The following GLB1 variants were observed in gnomAD, a reference collection of about 807,000 sequenced individuals.
The protein encoded by GLB1 is galactosidase beta 1, also known as beta-galactosidase.
GLB1 carries 56 observed loss-of-function variants against 74.0 expected under a neutral mutation model. That is an observed-to-expected ratio of 0.76 (90% CI 0.61 to 0.94). GLB1 has a LOEUF of 0.94. Among genes scored for constraint, GLB1 ranks in the 40% least tolerant of loss-of-function variants. GLB1 has a pLI of 0.00. For missense variants in GLB1, 787 were observed against 845.5 expected, an observed-to-expected ratio of 0.93 and a Z score of 0.86; for synonymous variants, 323 against 323.6, an observed-to-expected ratio of 1.00 and a Z score of 0.02.
chr3:32,967,771 T>C, the GLB1 span, among the ~76,000 whole-genome samples: 2 of 152,166 alleles, frequency 1.3e-5, no homozygotes, highest in Non-Finnish European at 2.9e-5. Context: ...AGGGGAGACC[T>C]GGCATCCAAG....
intron 14 of GLB1, among the ~76,000 whole-genome samples, chr3:33,015,447 G>A (rs1559382969): frequency 6.6e-6 from 1 of 152,228 alleles, no homozygotes; most frequent in Non-Finnish European, 1.5e-5. Flanking sequence ...ACACAGGCCA[G>A]GGCTGGGCTG....
downstream of GLB1, among the ~76,000 whole-genome samples, chr3:32,994,050 T>A (rs4586761): frequency 6.6e-6 from 1 of 152,054 alleles, no homozygotes; most frequent in African/African-American, 2.4e-5. Flanking sequence ...AATTACTATA[T>A]GACTAAACAA....
At chr3:33,001,797 A>C (rs1331992329) in intron 15 of GLB1, among the ~76,000 whole-genome samples, 1 of 152,240 alleles carries the variant, frequency 6.6e-6, no homozygotes, top group Non-Finnish European at 1.5e-5. Context: ...CCCTTCTGAA[A>C]GAATTCTTCA....
At chr3:33,039,997 A>G (rs1366272227) in intron 10 of GLB1, among the ~76,000 whole-genome samples, 2 of 152,196 alleles carry the variant, frequency 1.3e-5, no homozygotes. Flanking sequence ...TTAAGACTGC[A>G]TAAACTGATA....
chr3:33,029,340 C>G (rs891955509), intron 10 of GLB1, among the ~76,000 whole-genome samples: 2 of 152,162 alleles, frequency 1.3e-5, no homozygotes, highest in African/African-American at 2.4e-5. Context: ...CCACTAGATT[C>G]AATGGTGACC....
intron 10 of GLB1, among the ~76,000 whole-genome samples, chr3:33,043,703 T>C (rs1009560538): frequency 2.3e-4 from 10 of 43,144 alleles, no homozygotes; most frequent in Non-Finnish European, 3.8e-4. Context: ...AATTCGATTA[T>C]ATCCTGTTTA....
At chr3:33,089,446 A>C (rs1254237693) in intron 1 of GLB1, among the ~76,000 whole-genome samples, 4 of 152,248 alleles carry the variant, frequency 2.6e-5, no homozygotes, top group Non-Finnish European at 5.9e-5. Flanking sequence ...ACCTGATTTA[A>C]AGATAGGCAA....
chr3:33,035,937 C>A (rs772494079), intron 10 of GLB1, among the ~76,000 whole-genome samples: 2 of 152,134 alleles, frequency 1.3e-5, no homozygotes, highest in Non-Finnish European at 2.9e-5. Context: ...TATTCAATAG[C>A]ATTTATTTTC....
chr3:33,077,947 T>C (rs1392395100), intron 1 of GLB1, among the ~76,000 whole-genome samples: 1 of 152,198 alleles, frequency 6.6e-6, no homozygotes, highest in African/African-American at 2.4e-5. Context: ...TTTATAACTT[T>C]GTTGTACATA....
chr3:32,972,551 G>A, the GLB1 span, among the ~76,000 whole-genome samples: 1 of 152,064 alleles, frequency 6.6e-6, no homozygotes, highest in African/African-American at 2.4e-5. Flanking sequence ...ATCCTCCCTT[G>A]CCTTTTACCC....
intron 5 of GLB1, among the ~76,000 whole-genome samples, chr3:33,060,348 A>G (rs75470361): frequency 0.015 from 2,358 of 152,326 alleles, 34 homozygotes; most frequent in Middle Eastern, 0.031. Context: ...ACTCCCATTG[A>G]TGAGTTCCAT....
the GLB1 span, among the ~76,000 whole-genome samples, chr3:32,986,554 T>C: frequency 6.6e-6 from 1 of 151,944 alleles, no homozygotes; most frequent in Non-Finnish European, 1.5e-5. Context: ...TGAATGGTCT[T>C]TCTCTCTCTT....
intron 14 of GLB1, among the ~76,000 whole-genome samples, chr3:33,016,090 G>T (rs1376805071): frequency 6.6e-6 from 1 of 152,184 alleles, no homozygotes; most frequent in Non-Finnish European, 1.5e-5. Context: ...CAAGGGAAGA[G>T]GCTTCCTACA....
intron 5 of GLB1, among the ~76,000 whole-genome samples, chr3:33,061,114 T>C (rs1406658240): frequency 1.2e-4 from 19 of 152,052 alleles, no homozygotes; most frequent in Admixed American, 1.2e-3. Flanking sequence ...AACAAACTTT[T>C]TGAATAAAAC....
chr3:33,015,734 G>C (rs1697213140), intron 14 of GLB1, among the ~76,000 whole-genome samples: 1 of 152,178 alleles, frequency 6.6e-6, no homozygotes, highest in South Asian at 2.1e-4. Flanking sequence ...ATTTATACTG[G>C]AGGCAAAGGT....
chr3:33,051,325 G>A (rs1698972187), intron 9 of GLB1, among the ~76,000 whole-genome samples: 1 of 150,002 alleles, frequency 6.7e-6, no homozygotes, highest in Non-Finnish European at 1.5e-5. Flanking sequence ...GGCCAGGCAT[G>A]GTGGCTCACG....
the GLB1 span, among the ~76,000 whole-genome samples, chr3:32,969,086 A>G: frequency 5.3e-5 from 8 of 152,198 alleles, no homozygotes; most frequent in Non-Finnish European, 7.3e-5. Flanking sequence ...GATTTGACAC[A>G]TCGGCCCCTT....
chr3:33,045,530 G>A (rs1035609372), intron 10 of GLB1: 11 of 988,890 alleles, frequency 1.1e-5, no homozygotes, highest in Middle Eastern at 5.2e-4. Context: ...TTGCAAATAA[G>A]GACGGAGTTA....
At chr3:33,044,948 G>A (rs1698682455) in intron 10 of GLB1, among the ~76,000 whole-genome samples, 2 of 152,152 alleles carry the variant, frequency 1.3e-5, no homozygotes, top group African/African-American at 4.8e-5. Context: ...TCCAGAAACA[G>A]CAATCACTTG....
Sources: gnomAD v4.1 joint callset for allele counts (sites outside exome capture counted in the v4.1 genomes callset) on GRCh38, gnomAD v4.1.1 for gene constraint, MANE v1.5 for transcripts, NCBI Gene and HGNC (gene_info 2026-07-23, HGNC 2026-07-21) for gene names.